SNRPN: variants seen among roughly 807,000 people sequenced by gnomAD.
SNRPN encodes small nuclear ribonucleoprotein-associated protein N.
Under a neutral mutation model 25.2 loss-of-function variants are expected in SNRPN, and 7 were observed. The ratio of observed to expected loss-of-function variants is 0.28; its 90% CI spans 0.16 to 0.52. The LOEUF is 0.52. Among genes scored for constraint, SNRPN ranks in the 20% least tolerant of loss-of-function variants. The probability of loss-of-function intolerance (pLI) is 0.96; values close to 1 mark genes in which losing one functional copy is unlikely to be tolerated. For synonymous variants in SNRPN, 124 were observed against 110.6 expected (o/e 1.12, Z -0.76); for missense variants, 196 against 322.5 (o/e 0.61, Z 3.00).
chr15:24,895,989 T>A (rs1366882142), intron 2 of SNRPN, among the ~76,000 whole-genome samples: 1 of 152,260 alleles, frequency 6.6e-6, no homozygotes, highest in African/African-American at 2.4e-5. Context: ...TAAGACATAA[T>A]ATTAATAATA....
At chr15:24,978,061 G>A in intron 8 of SNRPN, 132 bp from the exon 9 acceptor site, 1 of 1,194,678 alleles carries the variant, frequency 8.4e-7, no homozygotes, top group Admixed American at 2.2e-5. Flanking sequence ...ACATAGAAGA[G>A]TAATTGTCAT....
intron 3 of SNRPN, 40 bp from the exon 4 acceptor site, chr15:24,974,271 G>T (rs1457140570): frequency 6.6e-6 from 4 of 608,898 alleles, no homozygotes; most frequent in Non-Finnish European, 1.2e-5. Flanking sequence ...TTTAAAACAT[G>T]GTAGATTGCA....
chr15:24,911,148 T>C (rs1280310520), intron 2 of SNRPN: 1 of 704,288 alleles, frequency 1.4e-6, no homozygotes, highest in Non-Finnish European at 2.1e-6. Context: ...AGGTCGTCAG[T>C]GCTGGAAAGG....
At chr15:24,971,510 C>A (rs978653325) in intron 3 of SNRPN, among the ~76,000 whole-genome samples, 6 of 151,712 alleles carry the variant, frequency 4.0e-5, no homozygotes, top group African/African-American at 1.5e-4. Context: ...TATATCTCTT[C>A]TAGCTATACA....
chr15:24,824,993 T>A (rs1328356683), intron 1 of SNRPN, among the ~76,000 whole-genome samples: 1 of 152,122 alleles, frequency 6.6e-6, no homozygotes, highest in Admixed American at 6.5e-5. Context: ...ATGGCTGTTA[T>A]ACAAGTAATG....
chr15:24,892,690 T>C (rs1157407902), intron 2 of SNRPN, among the ~76,000 whole-genome samples: 2 of 151,126 alleles, frequency 1.3e-5, no homozygotes, highest in African/African-American at 4.9e-5. Context: ...TAAGCCAAGA[T>C]AGCACCACTG....
rs1226818954 is a variant in SNRPN at position 24,850,868 on chromosome 15, A to C, written c.-579+20963A>C. On this transcript the variant is annotated intron_variant, in intron 2 of 12. Transcript: ENST00000400100. ...TCAGATTCACACATTCTTCACTTTG[A>C]AAGAAAATTTAAGTTTATTAGGAAA... The C allele has an allele frequency of 2.0e-5, 3 of 152,182 alleles. No individual in the cohort carries two copies. In the East Asian group the frequency reaches 5.8e-4, roughly 29 times the overall value. The allele number at this position is 152,182 out of a possible 1,614,324, so 9.4% of individuals were successfully genotyped here.
chr15:24,879,045 G>A (rs4906928), intron 1 of SNRPN, among the ~76,000 whole-genome samples: 42,227 of 151,654 alleles, frequency 0.28, 6,053 homozygotes, highest in African/African-American at 0.3. Flanking sequence ...ATTTAAAAAA[G>A]TATTTTTAAA....
intron 3 of SNRPN, among the ~76,000 whole-genome samples, chr15:24,927,934 G>A (rs1016506489): frequency 1.3e-5 from 2 of 152,154 alleles, no homozygotes; most frequent in Non-Finnish European, 2.9e-5. Context: ...GCACAACACG[G>A]TGTTTACTAT....
intron 2 of SNRPN, among the ~76,000 whole-genome samples, chr15:24,831,479 G>A (rs1052763579): frequency 7.9e-5 from 12 of 151,700 alleles, no homozygotes; most frequent in East Asian, 3.9e-4. Context: ...GTTATTTTTC[G>A]TGGCAAGAAC....
intron 1 of SNRPN, among the ~76,000 whole-genome samples, chr15:24,861,399 C>T (rs2053967235): frequency 6.6e-6 from 1 of 152,042 alleles, no homozygotes; most frequent in Admixed American, 6.6e-5. Context: ...ACATAGAAAA[C>T]ATAAAAAGAT....
At chr15:24,938,970 A>G (rs610736) in intron 3 of SNRPN, among the ~76,000 whole-genome samples, 137,567 of 152,144 alleles carry the variant, frequency 0.9, 62,329 homozygotes, top group East Asian at 0.99. Flanking sequence ...AGCTTTGGGA[A>G]GGACATTCTC....
intron 2 of SNRPN, chr15:24,910,892 G>A (rs2059172168): frequency 4.6e-6 from 3 of 657,204 alleles, no homozygotes; most frequent in Non-Finnish European, 5.3e-6. Flanking sequence ...TTCTCCTGAA[G>A]GACCATCCTT....
intron 1 of SNRPN, among the ~76,000 whole-genome samples, chr15:24,863,683 A>G (rs764638497): frequency 3.3e-5 from 5 of 150,648 alleles, no homozygotes; most frequent in Non-Finnish European, 5.9e-5. Context: ...TGCTTTGTAT[A>G]TGTTTGCCTA....
intron 2 of SNRPN, chr15:24,849,881 ATAAAGGCATAAGATT>A (rs1473527978): frequency 6.6e-6 from 1 of 152,252 alleles, no homozygotes; most frequent in Non-Finnish European, 1.5e-5. Context: ...TCGTAAAATT[ATAAAGGCATAAGATT>A]TACTTGTTAT....
chr15:24,950,148 T>C (rs1486305176), upstream of SNRPN, among the ~76,000 whole-genome samples: 1 of 152,108 alleles, frequency 6.6e-6, no homozygotes, highest in East Asian at 1.9e-4. Flanking sequence ...CATTCATCAG[T>C]TGATGAGCAT....
intron 1 of SNRPN, among the ~76,000 whole-genome samples, chr15:24,885,738 G>C (rs562641448): frequency 1.7e-4 from 26 of 151,894 alleles, no homozygotes; most frequent in African/African-American, 6.3e-4. Flanking sequence ...GTGTGTGTGT[G>C]TGTGTGTGTG....
Position 24,837,910 on chromosome 15 carries a change from A to G in SNRPN, c.-579+8005A>G, listed in dbSNP as rs1259579855. 2.0e-5 allele frequency among the ~76,000 whole-genome samples: 3 copies of G among 151,138 alleles called. No individual in the cohort carries two copies. In the East Asian group the frequency reaches 5.9e-4, roughly 30 times the overall value. On this transcript the variant is annotated intron_variant, in intron 2 of 12. Transcript: ENST00000400100. ...GCTAATTTTTGTATTTTTAGTAGAGACAGGGTTTCACCATGTTTGCCAGGC... is the reference window on the plus strand; with the variant it reads ...GCTAATTTTTGTATTTTTAGTAGAGGCAGGGTTTCACCATGTTTGCCAGGC...
chr15:24,912,417 A>G (rs1189321111), intron 2 of SNRPN: 3 of 152,146 alleles, frequency 2.0e-5, no homozygotes, highest in Non-Finnish European at 4.4e-5. Context: ...AGCATCACCT[A>G]TATCTGATTT....
Sources: gnomAD v4.1 joint callset for allele counts (sites outside exome capture counted in the v4.1 genomes callset) on GRCh38, gnomAD v4.1.1 for gene constraint, MANE v1.5 for transcripts, NCBI Gene and HGNC (gene_info 2026-07-23, HGNC 2026-07-21) for gene names.